Variants in ZFTA observed in about 807,000 individuals in gnomAD.
The protein encoded by ZFTA is zinc finger translocation associated, also known as zinc finger translocation-associated protein.
In ZFTA, 35 loss-of-function variants were observed where a neutral mutation model predicts 41.8. The observed-to-expected ratio is 0.84, with a 90% CI of 0.64 to 1.11. The LOEUF (loss-of-function observed/expected upper bound fraction) is 1.11. Among genes scored for constraint, ZFTA ranks in the 50% most tolerant of loss-of-function variants. ZFTA has a pLI of 0.00. For missense variants in ZFTA, 964 were observed against 989.8 expected (o/e 0.97, Z 0.35); for synonymous variants, 514 against 436.4 (o/e 1.18, Z -2.22).
At chr11:63,764,704 G>GC in intron 3 of ZFTA, 106 bp from the exon 4 acceptor site, 1 of 1,324,862 alleles carries the variant, frequency 7.5e-7, no homozygotes, top group Non-Finnish European at 9.6e-7. Flanking sequence ...CAAGCTAGAG[G>GC]CCCCAGTCTG....
chr11:63,763,963 T>A (rs984029818), intron 4 of ZFTA, 75 bp downstream of exon 4: 2 of 1,334,258 alleles, frequency 1.5e-6, no homozygotes, highest in Non-Finnish European at 1.9e-6. Context: ...TGCCCTTCTA[T>A]CCCATCCTCC....
rs867899213 is a variant in ZFTA, at chr11:63,764,368, G to T, written c.1255C>A (p.Gln419Lys). The T allele has an allele frequency of 1.8e-5, 23 of 1,311,908 alleles. No individual in the cohort carries two copies. The Middle Eastern group carries it at 8.5e-4, about 49-fold the overall frequency. 81.3% of individuals were successfully genotyped at this position (1,311,908 alleles called of 1,614,324 possible). ...AGGTACTCCAGCCGCCAGCGCTCCT[G>T]GGGGTGGCGGCGGTGGGCGCGGCCC... ...PRGRAHRRHP[Q>K]ERWRLEYLME... is the part of the protein sequence containing the mutation. The change falls in exon 4 of 5, where the codon CAG becomes AAG. Residue 419 changes from glutamine (Q) to lysine (K), a missense_variant. Gln to Lys is a moderately conservative substitution (Grantham distance 53). This residue lies in a region of ZFTA where 584 missense variants were observed against 523.1 expected (regional missense o/e 1.12). Transcript: ENST00000433688.
At position 63,764,330 on chromosome 11, in the gene ZFTA, G is replaced by C. The variant is rs763302363; in HGVS notation, c.1293C>G (p.Asp431Glu). The C allele has an allele frequency of 6.1e-5, 84 of 1,368,918 alleles. 1 individual carries two copies. In the African/African-American group the frequency reaches 1.2e-3, roughly 19 times the overall value. The allele number at this position is 1,368,918 out of a possible 1,614,324, so 84.8% of individuals were successfully genotyped here. ...RWRLEYLMELDGGRRGLVCGV... is the reference protein window; with the variant it reads ...RWRLEYLMELEGGRRGLVCGV... Reference sequence around the variant, plus strand: ...CGCACACCAGGCCGCGCCGGCCGCCGTCCAACTCCATGAGGTACTCCAGCC... The same window carrying C: ...CGCACACCAGGCCGCGCCGGCCGCCCTCCAACTCCATGAGGTACTCCAGCC... The change falls in exon 4 of 5, where the codon GAC becomes GAG. Residue 431 changes from aspartate (D) to glutamate (E), a missense_variant. Physicochemically the swap from Asp to Glu is conservative, Grantham distance 45 (BLOSUM62 2). This residue lies in a region of ZFTA where 584 missense variants were observed against 523.1 expected (regional missense o/e 1.12). Coordinates refer to ENST00000433688, the MANE Select transcript of ZFTA (RefSeq NM_001144936.2).
intron 3 of ZFTA, 75 bp downstream of exon 3, chr11:63,764,793 C>A: frequency 7.0e-7 from 1 of 1,424,020 alleles, no homozygotes; most frequent in Non-Finnish European, 9.1e-7. Flanking sequence ...TAAGTCCCTG[C>A]CTCCCAGTTT....
chr11:63,764,815 C>T (rs1000644947), intron 3 of ZFTA, 53 bp downstream of exon 3: 10 of 1,432,370 alleles, frequency 7.0e-6, no homozygotes, highest in South Asian at 1.5e-5. Context: ...GGCCACAGAC[C>T]CCACTTCAGA....
In ZFTA at chr11:63,765,979, C is replaced by T. The variant is rs1273109247; in HGVS notation, c.465G>A (p.Trp155Ter). ...TGATGACTTCCTTCTCCCGGGGACT[C>T]CAATGCAAGGAGTAGGGGTGCTTTT... Reference protein sequence around the residue: ...IRQKHPYSLHWSPREKEVISN... With the variant: ...IRQKHPYSLH Residue 155 changes from tryptophan to a stop codon, truncating the protein, a stop_gained, in exon 2 of 5, where the codon TGG (tryptophan) becomes TGA (stop). Transcript: ENST00000433688. LOFTEE classifies it high-confidence loss of function. This position sits in a 1 kb window ranked among gnomAD's most constrained non-coding sequence, Gnocchi z 4.0. 6.4e-7 allele frequency: 1 copy of T among 1,551,678 alleles called. No individual in the cohort carries two copies. Among genetic ancestry groups the T allele is most frequent in the African/African-American group, 1.4e-5 (1 of 73,194 alleles).
rs892051805 is a variant in ZFTA at position 63,763,918 on chromosome 11, T to G, written c.1586-49A>C. 4 of 1,396,664 alleles carry G rather than the reference T, an allele frequency of 2.9e-6. No homozygotes were observed. The African/African-American group carries it at 6.1e-5, about 21-fold the overall frequency. The allele number at this position is 1,396,664 out of a possible 1,614,324, so 86.5% of individuals were successfully genotyped here. A position where few individuals can be genotyped will look rare whatever the true frequency, so the allele number is the denominator to read the frequency against. On this transcript the variant is annotated intron_variant, in intron 4 of 4. Coordinates refer to ENST00000433688, the MANE Select transcript of ZFTA (RefSeq NM_001144936.2). ...TTGGCGACGGCGGGGGGCAGCGGGC[T>G]GGGCCCCGCGTCTCATCTCCAGTCA... is the stretch of plus-strand genomic sequence containing the variant.
rs908750335 is a variant in ZFTA, at chr11:63,764,937, G to A, written c.955C>T (p.Arg319Cys). Residue 319 changes from arginine to cysteine, a missense_variant, in exon 3 of 5, where the codon CGC becomes TGC. By Grantham distance (180) the Arg-to-Cys change is radical (BLOSUM62 -3). This residue lies in a region of ZFTA where 584 missense variants were observed against 523.1 expected (regional missense o/e 1.12). Coordinates refer to ENST00000433688, the MANE Select transcript of ZFTA (RefSeq NM_001144936.2). ...PGSLGLSGPQ[R>C]SALLQAWGGQ... Reference sequence around the variant, plus strand: ...CCCCAGGCCTGCAGCAGGGCACTGCGCTGGGGGCCGCTGAGCCCCAGGGAG... The same window carrying A: ...CCCCAGGCCTGCAGCAGGGCACTGCACTGGGGGCCGCTGAGCCCCAGGGAG... 1.3e-6 allele frequency: 2 copies of A among 1,546,596 alleles called. No homozygotes were observed. The highest frequency in any genetic ancestry group is 1.4e-5 in the African/African-American group (1 of 72,936).
In ZFTA at chr11:63,764,805, G is replaced by A. The variant is rs1223717787; in HGVS notation, c.1024+63C>T. 2.8e-6 allele frequency: 4 copies of A among 1,425,482 alleles called. No individual in the cohort carries two copies. In the East Asian group the frequency reaches 7.8e-5, roughly 28 times the overall value. 88.3% of individuals were successfully genotyped at this position (1,425,482 alleles called of 1,614,324 possible). On this transcript the variant is annotated intron_variant, in intron 3 of 4. Transcript: ENST00000433688. Reference sequence around the variant, plus strand: ...CCCTAAGTCCCTGCCTCCCAGTTTTGGCCACAGACCCCACTTCAGAGCCCC... The same window carrying A: ...CCCTAAGTCCCTGCCTCCCAGTTTTAGCCACAGACCCCACTTCAGAGCCCC...
Position 63,764,857 on chromosome 11 carries a change from G to A in ZFTA, c.1024+11C>T. On this transcript the variant is annotated intron_variant, in intron 3 of 4. Transcript: ENST00000433688. ...GTATGAGGGGGTCTCAGCCTGGGAT[G>A]GGCCTCGCACCTGGTGGGGACTGGG... is the stretch of plus-strand genomic sequence containing the variant. 1.4e-6 allele frequency: 2 copies of A among 1,463,956 alleles called. No individual in the cohort carries two copies. Among genetic ancestry groups the A allele is most frequent in the Non-Finnish European group, 1.8e-6 (2 of 1,110,928 alleles). The allele number at this position is 1,463,956 out of a possible 1,614,324, so 90.7% of individuals were successfully genotyped here. A position where few individuals can be genotyped will look rare whatever the true frequency, so the allele number is the denominator to read the frequency against.
Position 63,765,971 on chromosome 11 carries a change from C to G in ZFTA, c.473G>C (p.Arg158Pro). The G allele has an allele frequency of 6.4e-7, 1 of 1,551,664 alleles. No homozygotes were observed. The highest frequency in any genetic ancestry group is 8.7e-7 in the Non-Finnish European group (1 of 1,146,958). ...KHPYSLHWSP[R>P]EKEVISNSWD... Reference sequence around the variant, plus strand: ...GCTGTTGCTGATGACTTCCTTCTCCCGGGGACTCCAATGCAAGGAGTAGGG... The same window carrying G: ...GCTGTTGCTGATGACTTCCTTCTCCGGGGGACTCCAATGCAAGGAGTAGGG... The change falls in exon 2 of 5, where the codon CGG (arginine) becomes CCG (proline). Residue 158 changes from arginine (R) to proline (P), a missense_variant. By Grantham distance (103) the Arg-to-Pro change is moderately radical. Around this residue, in one of 5 missense-constraint regions of ZFTA, gnomAD observed 141 missense variants for 216.7 expected, o/e 0.65. Transcript: ENST00000433688. This position sits in a 1 kb window ranked among gnomAD's most constrained non-coding sequence, Gnocchi z 4.0.
rs1425304874 is a variant in ZFTA, at chr11:63,764,282, G to A, written c.1341C>T (p.Ala447=). ...LVCGVCGGAL[A]SLKMSTIERH... is the part of the protein sequence containing the mutation. ...GCTCGATGGTGCTCATCTTGAGCGA[G>A]GCCAGCGCGCCCCCGCACACCCCGC... Residue 447 remains alanine (A), a synonymous_variant, in exon 4 of 5, where the codon GCC becomes GCT. Coordinates refer to ENST00000433688, the MANE Select transcript of ZFTA (RefSeq NM_001144936.2). The A allele has an allele frequency of 2.7e-6, 4 of 1,459,324 alleles. No individual in the cohort carries two copies. The highest frequency in any genetic ancestry group is 3.6e-6 in the Non-Finnish European group (4 of 1,112,994). The allele number at this position is 1,459,324 out of a possible 1,614,324, so 90.4% of individuals were successfully genotyped here. A position where few individuals can be genotyped will look rare whatever the true frequency, so the allele number is the denominator to read the frequency against.
intron 1 of ZFTA, among the ~76,000 whole-genome samples, chr11:63,768,040 A>C (rs1471184124): frequency 2.0e-5 from 3 of 152,062 alleles, no homozygotes; most frequent in Non-Finnish European, 4.4e-5. Flanking sequence ...AAAACAGCAG[A>C]GTTCGGAGCT....
chr11:63,764,689 A>G, intron 3 of ZFTA, 91 bp from the exon 4 acceptor site: 5 of 1,324,704 alleles, frequency 3.8e-6, no homozygotes, highest in Non-Finnish European at 4.8e-6. Flanking sequence ...TCCTCACCCC[A>G]GCCCCAAGCT....
At position 63,764,432 on chromosome 11, in the gene ZFTA, G is replaced by A. The variant is rs2014710500; in HGVS notation, c.1191C>T (p.Gly397=). The change falls in exon 4 of 5, where the codon GGC becomes GGT. Residue 397 remains glycine (G), a synonymous_variant. Transcript: ENST00000433688. ...CCGGGACCCCCGCCCTCTCGCCCTC[G>A]CCCTCCTCCAGCTCCTCCTCCTCCT... ...PAEEEEELEE[G]EGERAGVPGR... 4 of 1,264,618 alleles carry A rather than the reference G, an allele frequency of 3.2e-6. No individual in the cohort carries two copies. Among genetic ancestry groups the A allele is most frequent in the African/African-American group, 1.6e-5 (1 of 64,262 alleles). The allele number at this position is 1,264,618 out of a possible 1,614,324, so 78.3% of individuals were successfully genotyped here. A position where few individuals can be genotyped will look rare whatever the true frequency, so the allele number is the denominator to read the frequency against.
intron 1 of ZFTA, among the ~76,000 whole-genome samples, chr11:63,766,753 C>T (rs934433243): frequency 6.6e-5 from 10 of 152,092 alleles, no homozygotes; most frequent in African/African-American, 1.9e-4. Context: ...CCACCTGGGG[C>T]CCCCGCCAGG....
chr11:63,765,317 AG>A lies in ZFTA; in HGVS notation c.638-64del. On this transcript the variant is annotated intron_variant, in intron 2 of 4. Coordinates refer to ENST00000433688, the MANE Select transcript of ZFTA (RefSeq NM_001144936.2). The surrounding 1 kb of genome is among the most constrained non-coding windows in gnomAD (Gnocchi z 4.0). ...CCACGGGAGCATACCCACTACAGCC[AG>A]GTCTCCCACAAGCCTCTCACTCACT... is the stretch of plus-strand genomic sequence containing the variant. 2 of 1,404,310 alleles carry A rather than the reference AG, an allele frequency of 1.4e-6. No individual in the cohort carries two copies. Among genetic ancestry groups the A allele is most frequent in the Non-Finnish European group, 1.8e-6 (2 of 1,083,434 alleles). 87.0% of individuals were successfully genotyped at this position (1,404,310 alleles called of 1,614,324 possible). A position where few individuals can be genotyped will look rare whatever the true frequency, so the allele number is the denominator to read the frequency against.
chr11:63,764,263 T>C lies in ZFTA; in HGVS notation c.1360A>G (p.Ile454Val), dbSNP rs2014706371. 1 of 1,463,444 alleles carries C rather than the reference T, an allele frequency of 6.8e-7. No homozygotes were observed. The highest frequency in any genetic ancestry group is 2.5e-5 in the Admixed American group (1 of 39,866). 90.7% of individuals were successfully genotyped at this position (1,463,444 alleles called of 1,614,324 possible). The change falls in exon 4 of 5, where the codon ATC becomes GTC. Residue 454 changes from isoleucine (I) to valine (V), a missense_variant. Around this residue, in one of 5 missense-constraint regions of ZFTA, gnomAD observed 584 missense variants for 523.1 expected, o/e 1.12. Coordinates refer to ENST00000433688, the MANE Select transcript of ZFTA (RefSeq NM_001144936.2). ...TGGCGCCGGCGGATGTGGCGCTCGA[T>C]GGTGCTCATCTTGAGCGAGGCCAGC... ...GALASLKMST[I>V]ERHIRRRHPG...
Position 63,764,138 on chromosome 11 carries a change from G to A in ZFTA, c.1485C>T (p.Pro495=). The change falls in exon 4 of 5, where the codon CCC becomes CCT. Residue 495 remains proline, a synonymous_variant. Transcript: ENST00000433688. The part of the protein sequence containing the change: ...AHLLALGPPR[P]ESPQGPIPPG... ...GGGGGATGGGGCCCTGGGGGGACTC[G>A]GGGCGGGGCGGCCCCAGGGCCAGCA... is the stretch of plus-strand genomic sequence containing the variant. 1 of 1,343,608 alleles carries A rather than the reference G, an allele frequency of 7.4e-7. No homozygotes were observed. The highest frequency in any genetic ancestry group is 9.5e-7 in the Non-Finnish European group (1 of 1,053,152). The allele number at this position is 1,343,608 out of a possible 1,614,324, so 83.2% of individuals were successfully genotyped here. A position where few individuals can be genotyped will look rare whatever the true frequency, so the allele number is the denominator to read the frequency against.
Sources: allele counts gnomAD v4.1 joint callset (sites outside exome capture counted in the v4.1 genomes callset), GRCh38; gene constraint gnomAD v4.1.1; regional missense constraint gnomAD v4.1.1; non-coding constraint Gnocchi (gnomAD v3.1); transcripts MANE v1.5; gene names NCBI Gene and HGNC (gene_info 2026-07-23, HGNC 2026-07-21).